ODAD2: variants seen among roughly 807,000 people sequenced by gnomAD.
The protein encoded by ODAD2 is outer dynein arm-docking complex subunit 2.
In ODAD2, 89 loss-of-function variants were observed where a neutral mutation model predicts 106.8. That is an observed-to-expected ratio of 0.83 (90% CI 0.70 to 0.99). ODAD2 has a LOEUF of 0.99. Among genes scored for constraint, ODAD2 ranks in the 50% least tolerant of loss-of-function variants. ODAD2 has a pLI of 0.00. For missense variants in ODAD2, 1,168 were observed against 1,238.5 expected, an observed-to-expected ratio of 0.94 and a Z score of 0.85; for synonymous variants, 404 against 436.2, an observed-to-expected ratio of 0.93 and a Z score of 0.92.
chr10:27,824,972 C>T (rs911819901), intron 19 of ODAD2, among the ~76,000 whole-genome samples: 1 of 152,162 alleles, frequency 6.6e-6, no homozygotes, highest in Non-Finnish European at 1.5e-5. Context: ...CTTGACATCT[C>T]CACTTGGATA....
chr10:27,992,282 G>A (rs1850280938), intron 2 of ODAD2, among the ~76,000 whole-genome samples: 1 of 152,174 alleles, frequency 6.6e-6, no homozygotes, highest in Non-Finnish European at 1.5e-5. Flanking sequence ...AATGGATTGA[G>A]AAATTAGCCC....
intron 16 of ODAD2, among the ~76,000 whole-genome samples, chr10:27,930,647 G>T (rs1307881523): frequency 6.7e-6 from 1 of 149,134 alleles, no homozygotes; most frequent in African/African-American, 2.5e-5. Context: ...AAAAGAAAAA[G>T]AAAAAGGCAA....
At chr10:27,942,428 TTA>T (rs1564530013) in intron 12 of ODAD2, among the ~76,000 whole-genome samples, 1 of 152,196 alleles carries the variant, frequency 6.6e-6, no homozygotes, top group Non-Finnish European at 1.5e-5. Context: ...TAATTCTTGT[TTA>T]TATCAGTTAG....
In ODAD2 at chr10:27,986,598, C is replaced by G. The variant is rs149016350; in HGVS notation, c.382+788G>C. Among the ~76,000 whole-genome samples the G allele has an allele frequency of 3.0e-4, 45 of 152,246 alleles. No individual in the cohort carries two copies. In the East Asian group the frequency reaches 6.8e-3, roughly 23 times the overall value. ...TAAAAAATAAAAGTAAAAAAAAGAC[C>G]ATCTTCCCATCTCACACAGAAATAG... On this transcript the variant is annotated intron_variant, in intron 3 of 19. Coordinates refer to ENST00000305242, the MANE Select transcript of ODAD2 (RefSeq NM_018076.5).
chr10:27,964,668 T>C (rs1289893904), intron 9 of ODAD2, among the ~76,000 whole-genome samples: 1 of 152,242 alleles, frequency 6.6e-6, no homozygotes, highest in Non-Finnish European at 1.5e-5. Context: ...TTTACCTCGA[T>C]GTTCAGCAAG....
chr10:27,841,121 A>C (rs1211791426), intron 19 of ODAD2, among the ~76,000 whole-genome samples: 3 of 152,342 alleles, frequency 2.0e-5, no homozygotes, highest in East Asian at 3.9e-4. Context: ...GTAATTATTA[A>C]GCCTAATATT....
intron 16 of ODAD2, among the ~76,000 whole-genome samples, chr10:27,932,124 G>A (rs1421231585): frequency 1.3e-5 from 2 of 151,900 alleles, no homozygotes; most frequent in African/African-American, 2.4e-5. Context: ...TTATAGAGAC[G>A]GGGGTCTTGC....
chr10:27,875,574 G>T (rs1424273807), intron 17 of ODAD2, among the ~76,000 whole-genome samples: 1 of 152,136 alleles, frequency 6.6e-6, no homozygotes, highest in Non-Finnish European at 1.5e-5. Flanking sequence ...GTGGTTCCAA[G>T]ATGGCCGAAT....
chr10:27,936,669 A>C, intron 15 of ODAD2, 57 bp downstream of exon 15: 8 of 1,584,778 alleles, frequency 5.0e-6, no homozygotes, highest in Non-Finnish European at 6.9e-6. Flanking sequence ...ATTAAATGAC[A>C]AGAAGGTGTT....
intron 17 of ODAD2, among the ~76,000 whole-genome samples, chr10:27,897,665 C>T (rs966100194): frequency 2.0e-5 from 3 of 152,048 alleles, no homozygotes; most frequent in South Asian, 2.1e-4. Context: ...TTCTTGTTGA[C>T]GATTCTTCAA....
At chr10:27,857,363 T>G (rs763713463) in intron 19 of ODAD2, among the ~76,000 whole-genome samples, 1 of 152,236 alleles carries the variant, frequency 6.6e-6, no homozygotes, top group African/African-American at 2.4e-5. Flanking sequence ...TTGATGTTTT[T>G]GGTCAACAGT....
At chr10:27,979,029 G>A (rs1280137588) in intron 7 of ODAD2, among the ~76,000 whole-genome samples, 2 of 151,886 alleles carry the variant, frequency 1.3e-5, no homozygotes, top group Non-Finnish European at 2.9e-5. Context: ...AGTCAACATG[G>A]TGAAACCCCA....
At chr10:27,925,628 G>T (rs1845201929) in intron 16 of ODAD2, among the ~76,000 whole-genome samples, 1 of 152,056 alleles carries the variant, frequency 6.6e-6, no homozygotes, top group Non-Finnish European at 1.5e-5. Context: ...AAAGTGCTGG[G>T]ATTACAGGCA....
intron 19 of ODAD2, among the ~76,000 whole-genome samples, chr10:27,830,705 G>T (rs956442634): frequency 1.3e-5 from 2 of 152,192 alleles, no homozygotes; most frequent in Non-Finnish European, 2.9e-5. Flanking sequence ...GAGCACTGGA[G>T]TGGATTGTAT....
At chr10:27,884,804 G>T (rs1841964238) in intron 17 of ODAD2, among the ~76,000 whole-genome samples, 1 of 152,104 alleles carries the variant, frequency 6.6e-6, no homozygotes, top group South Asian at 2.1e-4. Context: ...TTTAAGAACA[G>T]CCATGTATAT....
intron 19 of ODAD2, among the ~76,000 whole-genome samples, chr10:27,856,748 C>T (rs1006897349): frequency 2.0e-5 from 3 of 152,068 alleles, no homozygotes; most frequent in African/African-American, 7.2e-5. Context: ...GGGTGGATCA[C>T]CTGAGGTCAG....
At chr10:27,958,014 A>T (rs561682849) in intron 10 of ODAD2, among the ~76,000 whole-genome samples, 22 of 152,336 alleles carry the variant, frequency 1.4e-4, no homozygotes, top group African/African-American at 5.1e-4. Context: ...TCAATTTTGC[A>T]TTTCACAGAC....
intron 17 of ODAD2, among the ~76,000 whole-genome samples, chr10:27,870,393 T>A (rs1385255995): frequency 1.3e-5 from 2 of 152,160 alleles, no homozygotes; most frequent in Non-Finnish European, 2.9e-5. Flanking sequence ...CTAGGGTACA[T>A]GTGCTCAACA....
At chr10:27,978,007 T>TTCA (rs1217919598) in intron 7 of ODAD2, among the ~76,000 whole-genome samples, 2 of 152,220 alleles carry the variant, frequency 1.3e-5, no homozygotes, top group Non-Finnish European at 2.9e-5. Context: ...ATCTTACCAT[T>TTCA]TCATTCTAGG....
Sources: gnomAD v4.1 joint callset for allele counts (sites outside exome capture counted in the v4.1 genomes callset) on GRCh38, gnomAD v4.1.1 for gene constraint, MANE v1.5 for transcripts, NCBI Gene and HGNC (gene_info 2026-07-23, HGNC 2026-07-21) for gene names.